Variants in SEMA6D observed in about 807,000 individuals in gnomAD.
SEMA6D encodes semaphorin-6D.
In SEMA6D, 35 loss-of-function variants were observed where a neutral mutation model predicts 106.6. The ratio of observed to expected loss-of-function variants is 0.33; its 90% CI spans 0.25 to 0.44. The LOEUF is 0.44. SEMA6D is among the 20% of genes least tolerant of loss of function. The probability of loss-of-function intolerance (pLI) is 1.00; values close to 1 mark genes in which losing one functional copy is unlikely to be tolerated. For missense variants in SEMA6D, 1,185 were observed against 1,345.9 expected (o/e 0.88, Z 1.87); for synonymous variants, 499 against 487.7 (o/e 1.02, Z -0.31).
intron 3 of SEMA6D, among the ~76,000 whole-genome samples, chr15:47,502,381 C>T (rs951837686): frequency 1.3e-5 from 2 of 152,144 alleles, no homozygotes; most frequent in Admixed American, 6.6e-5. Flanking sequence ...AGAAAGTGGG[C>T]TCCTCTGGGA....
chr15:47,711,259 G>T (rs2079015416), intron 4 of SEMA6D, among the ~76,000 whole-genome samples: 1 of 138,354 alleles, frequency 7.2e-6, no homozygotes, highest in African/African-American at 2.8e-5. Context: ...GCAGTGAGCC[G>T]AGATCCCGCC....
intron 3 of SEMA6D, among the ~76,000 whole-genome samples, chr15:47,549,997 C>G (rs760793026): frequency 5.9e-5 from 9 of 152,162 alleles, no homozygotes; most frequent in African/African-American, 9.7e-5. Context: ...CATGGAAGAT[C>G]TAAATTCTCA....
At chr15:47,604,221 A>T (rs989855971) in intron 4 of SEMA6D, 1 of 152,200 alleles carries the variant, frequency 6.6e-6, no homozygotes, top group Non-Finnish European at 1.5e-5. Flanking sequence ...AATTAATTTG[A>T]CTTTAAAAAA....
intron 4 of SEMA6D, among the ~76,000 whole-genome samples, chr15:47,684,136 G>T (rs2078419796): frequency 6.6e-6 from 1 of 152,052 alleles, no homozygotes; most frequent in Non-Finnish European, 1.5e-5. Flanking sequence ...GGCTTCCTAA[G>T]GCTACATCAA....
chr15:47,685,224 A>C (rs2078443823), intron 4 of SEMA6D, among the ~76,000 whole-genome samples: 1 of 152,150 alleles, frequency 6.6e-6, no homozygotes, highest in East Asian at 1.9e-4. Flanking sequence ...AAATTCATTA[A>C]ACTTTTGTGC....
chr15:47,735,248 A>T (rs1050199262), intron 1 of SEMA6D, among the ~76,000 whole-genome samples: 1 of 152,222 alleles, frequency 6.6e-6, no homozygotes, highest in African/African-American at 2.4e-5. Context: ...TGGCAGCCCT[A>T]CAGTCTTACA....
At chr15:47,698,797 G>A (rs1304441016) in intron 4 of SEMA6D, among the ~76,000 whole-genome samples, 2 of 152,038 alleles carry the variant, frequency 1.3e-5, no homozygotes, top group East Asian at 3.9e-4. Flanking sequence ...AACATTCCAT[G>A]CAGTCACTAT....
chr15:47,409,755 G>A (rs1307298316), intron 1 of SEMA6D, among the ~76,000 whole-genome samples: 1 of 152,126 alleles, frequency 6.6e-6, no homozygotes, highest in Non-Finnish European at 1.5e-5. Context: ...CAGACCACCA[G>A]TCCAAAGGCT....
intron 3 of SEMA6D, among the ~76,000 whole-genome samples, chr15:47,598,015 G>A (rs1297460663): frequency 2.0e-5 from 3 of 151,792 alleles, no homozygotes; most frequent in Admixed American, 6.6e-5. Flanking sequence ...TTTAAATGAT[G>A]GATGAAATAA....
At chr15:47,642,455 C>T (rs897438813) in intron 4 of SEMA6D, among the ~76,000 whole-genome samples, 2 of 152,158 alleles carry the variant, frequency 1.3e-5, no homozygotes, top group Non-Finnish European at 2.9e-5. Flanking sequence ...CACACACACA[C>T]ACTAGCTGCT....
chr15:47,546,271 G>C (rs1477738272), intron 3 of SEMA6D, among the ~76,000 whole-genome samples: 1 of 152,112 alleles, frequency 6.6e-6, no homozygotes, highest in Non-Finnish European at 1.5e-5. Context: ...ACGTATATCA[G>C]ACATACCCCA....
At chr15:47,574,398 T>C (rs1233752532) in intron 3 of SEMA6D, among the ~76,000 whole-genome samples, 1 of 152,226 alleles carries the variant, frequency 6.6e-6, no homozygotes, top group East Asian at 1.9e-4. Flanking sequence ...AGGTCCTGAA[T>C]TGTTTCTCCC....
intron 1 of SEMA6D, among the ~76,000 whole-genome samples, chr15:47,224,483 TC>T (rs1213786480): frequency 6.6e-6 from 1 of 152,106 alleles, no homozygotes; most frequent in Non-Finnish European, 1.5e-5. Flanking sequence ...ATTATACTAT[TC>T]TTGTCTCCAT....
intron 3 of SEMA6D, among the ~76,000 whole-genome samples, chr15:47,513,608 T>A: frequency 6.6e-6 from 1 of 152,214 alleles, no homozygotes; most frequent in Non-Finnish European, 1.5e-5. Flanking sequence ...ACCAAAGGGA[T>A]AAATCTGCAA....
chr15:47,637,077 C>T (rs1314286538), intron 4 of SEMA6D, among the ~76,000 whole-genome samples: 1 of 152,128 alleles, frequency 6.6e-6, no homozygotes, highest in Non-Finnish European at 1.5e-5. Flanking sequence ...ACTTAGACCA[C>T]ATATTTGGCT....
intron 4 of SEMA6D, among the ~76,000 whole-genome samples, chr15:47,645,525 T>C (rs2077566063): frequency 6.6e-6 from 1 of 152,046 alleles, no homozygotes; most frequent in Non-Finnish European, 1.5e-5. Context: ...TTCTTCTTCT[T>C]CTTCTCACTT....
chr15:47,677,106 C>G (rs1042877212), intron 4 of SEMA6D, among the ~76,000 whole-genome samples: 9 of 152,112 alleles, frequency 5.9e-5, no homozygotes, highest in Admixed American at 2.0e-4. Flanking sequence ...GGTGATAATG[C>G]TCGCTCACCC....
At chr15:47,204,939 G>C (rs2141124845) in intron 1 of SEMA6D, among the ~76,000 whole-genome samples, 1 of 152,228 alleles carries the variant, frequency 6.6e-6, no homozygotes, top group Non-Finnish European at 1.5e-5. Flanking sequence ...CTTGGGGGGA[G>C]AAGGGAAAGA....
At chr15:47,356,393 G>GC (rs1395851663) in intron 1 of SEMA6D, among the ~76,000 whole-genome samples, 3 of 152,104 alleles carry the variant, frequency 2.0e-5, no homozygotes, top group Admixed American at 6.5e-5. Context: ...CATGAGAAGT[G>GC]CCCCACAGTA....
Sources: allele counts gnomAD v4.1 joint callset (sites outside exome capture counted in the v4.1 genomes callset), GRCh38; gene constraint gnomAD v4.1.1; transcripts MANE v1.5; gene names NCBI Gene and HGNC (gene_info 2026-07-23, HGNC 2026-07-21).